The following ZNF225 variants were observed in gnomAD, a reference collection of about 807,000 sequenced individuals.
ZNF225 encodes the protein zinc finger protein 225.
Under a neutral mutation model 12.0 loss-of-function variants are expected in ZNF225, and 6 were observed. The observed-to-expected ratio is 0.50, with a 90% CI of 0.27 to 0.98. The LOEUF (loss-of-function observed/expected upper bound fraction) is 0.98. ZNF225 is among the 50% of genes least tolerant of loss of function. The pLI is 0.11. For missense variants in ZNF225, 763 were observed against 848.2 expected (o/e 0.90, Z 1.25); for synonymous variants, 271 against 283.2 (o/e 0.96, Z 0.43).
rs1968252738 is a variant in ZNF225, at chr19:44,131,332, GGCTTT to G, written c.719_723del (p.Gly240GlufsTer3). ...ATTCAAATGTGAGCAGTGTGGGAAA[GGCTTT>G]AGTCGTAGATCAGGACTTTATGTTC... On this transcript the variant is annotated frameshift_variant, in exon 5 of 5. Transcript: ENST00000262894. LOFTEE classifies it low-confidence loss of function (END_TRUNC). The G allele has an allele frequency of 2.5e-6, 4 of 1,613,980 alleles. No individual in the cohort carries two copies. In the South Asian group the frequency reaches 4.4e-5, roughly 18 times the overall value.
At chr19:44,122,981 C>T (rs1159134682) in intron 4 of ZNF225, among the ~76,000 whole-genome samples, 1 of 152,028 alleles carries the variant, frequency 6.6e-6, no homozygotes, top group Admixed American at 6.6e-5. Context: ...GATTTGGGTG[C>T]CCCTTATTTC....
At chr19:44,129,575 A>T (rs1213496729) in intron 4 of ZNF225, 1 of 152,270 alleles carries the variant, frequency 6.6e-6, no homozygotes, top group South Asian at 2.1e-4. Context: ...TTACATAGCC[A>T]TTATTGGTTG....
At chr19:44,126,167 G>C (rs1194189742) in intron 4 of ZNF225, among the ~76,000 whole-genome samples, 2 of 152,198 alleles carry the variant, frequency 1.3e-5, no homozygotes, top group East Asian at 1.9e-4. Context: ...ATTTGGGTAG[G>C]CTCTGTCAGA....
chr19:44,116,822 G>A (rs1324969180), intron 2 of ZNF225, among the ~76,000 whole-genome samples: 1 of 152,134 alleles, frequency 6.6e-6, no homozygotes, highest in Non-Finnish European at 1.5e-5. Context: ...ACAAATCAGT[G>A]TACACGTATC....
rs546073072 is a variant in ZNF225, at chr19:44,132,890, A to G, written c.*155A>G. On this transcript the variant is annotated 3_prime_UTR_variant, in exon 5 of 5. Coordinates refer to ENST00000262894, the MANE Select transcript of ZNF225 (RefSeq NM_013362.4). ...AAATTCACTGTCCTAGCTATTTGAA[A>G]ATAATACGTTGTTAATTACTGTCAC... The G allele has an allele frequency of 4.4e-6, 3 of 674,338 alleles. No individual in the cohort carries two copies. In the East Asian group the frequency reaches 8.8e-5, roughly 20 times the overall value. 41.8% of individuals were successfully genotyped at this position (674,338 alleles called of 1,614,324 possible).
rs1968325259 is a variant in ZNF225, at chr19:44,133,253, G to A, written c.*518G>A. 1 of 153,522 alleles carries A rather than the reference G, an allele frequency of 6.5e-6. No homozygotes were observed. Among genetic ancestry groups the A allele is most frequent in the Non-Finnish European group, 1.4e-5 (1 of 69,092 alleles). The allele number at this position is 153,522 out of a possible 1,614,324, so 9.5% of individuals were successfully genotyped here. A position where few individuals can be genotyped will look rare whatever the true frequency, so the allele number is the denominator to read the frequency against. ...ATTCATTCATCCAGTGGACACTTAG[G>A]TTGATTACATACCTTGGCCTATTTC... On this transcript the variant is annotated 3_prime_UTR_variant, in exon 5 of 5. Transcript: ENST00000262894.
chr19:44,112,579 C>G (rs780947087), upstream of ZNF225, among the ~76,000 whole-genome samples: 2 of 151,908 alleles, frequency 1.3e-5, no homozygotes, highest in Non-Finnish European at 2.9e-5. Context: ...TTTTGCATAG[C>G]GAAAAACAAG....
Position 44,134,120 on chromosome 19 carries a change from G to C in ZNF225, c.*1385G>C, listed in dbSNP as rs1762440836. 6.6e-6 allele frequency: 1 copy of C among 152,096 alleles called. No individual in the cohort carries two copies. The highest frequency in any genetic ancestry group is 2.4e-5 in the African/African-American group (1 of 41,396). The allele number at this position is 152,096 out of a possible 1,614,324, so 9.4% of individuals were successfully genotyped here. ...TGACAGGATACAAATAATCAGCAAA[G>C]GGAAAAGGTTCTTGTATAATATCTG... On this transcript the variant is annotated 3_prime_UTR_variant, in exon 5 of 5. Coordinates refer to ENST00000262894, the MANE Select transcript of ZNF225 (RefSeq NM_013362.4).
Position 44,132,177 on chromosome 19 carries a change from T to G in ZNF225, c.1563T>G (p.Phe521Leu). The G allele has an allele frequency of 6.2e-7, 1 of 1,614,042 alleles. No individual in the cohort carries two copies. The highest frequency in any genetic ancestry group is 8.5e-7 in the Non-Finnish European group (1 of 1,180,014). Residue 521 changes from phenylalanine to leucine, a missense_variant, in exon 5 of 5, where the codon TTT becomes TTG. Coordinates refer to ENST00000262894, the MANE Select transcript of ZNF225 (RefSeq NM_013362.4). ...PFKCEECGKRFTQNSQLYSHR... is the reference protein window; with the variant it reads ...PFKCEECGKRLTQNSQLYSHR... Reference sequence around the variant, plus strand: ...AATGTGAAGAGTGTGGGAAAAGATTTACTCAGAATTCACAACTTTATTCTC... The same window carrying G: ...AATGTGAAGAGTGTGGGAAAAGATTGACTCAGAATTCACAACTTTATTCTC...
chr19:44,129,737 A>T (rs1968210496), intron 4 of ZNF225: 1 of 152,132 alleles, frequency 6.6e-6, no homozygotes, highest in Non-Finnish European at 1.5e-5. Context: ...AAATCGTAGA[A>T]TTACACCGTC....
In ZNF225 at chr19:44,131,201, G is replaced by C; in HGVS notation, c.587G>C (p.Arg196Thr). The C allele has an allele frequency of 6.2e-7, 1 of 1,614,200 alleles. No homozygotes were observed. Among genetic ancestry groups the C allele is most frequent in the Non-Finnish European group, 8.5e-7 (1 of 1,180,042 alleles). ...AGCTCAGCTCTTCGTATTCATCAGA[G>C]AGTTCACATGGGGGAGAAACTCTAT... ...CYSSALRIHQ[R>T]VHMGEKLYNC... is the part of the protein sequence containing the mutation. Residue 196 changes from arginine (R) to threonine (T), a missense_variant, in exon 5 of 5, where the codon AGA (arginine) becomes ACA (threonine). Transcript: ENST00000262894.
In ZNF225 at chr19:44,130,803, A is replaced by T. The variant is rs376360099; in HGVS notation, c.236-47A>T. The T allele has an allele frequency of 1.0e-5, 16 of 1,536,772 alleles. No homozygotes were observed. In the African/African-American group the frequency reaches 2.2e-4, roughly 21 times the overall value. ...TAAGTATGAAATCTTGATAACACTG[A>T]ATAAAAGCTTTACTTGCCCACATCT... On this transcript the variant is annotated intron_variant, in intron 4 of 4. Coordinates refer to ENST00000262894, the MANE Select transcript of ZNF225 (RefSeq NM_013362.4).
chr19:44,114,655 T>C (rs1967902938), intron 1 of ZNF225, among the ~76,000 whole-genome samples: 1 of 152,070 alleles, frequency 6.6e-6, no homozygotes, highest in Non-Finnish European at 1.5e-5. Context: ...GGATTACAGG[T>C]GCCTGCCACC....
rs1279307227 is a variant in ZNF225 at position 44,134,739 on chromosome 19, G to A, written c.*2004G>A. ...GTTACAACATGGTGTTAACATGTGG[G>A]ACTGATTGTGTTTCTTGTTAATATT... On this transcript the variant is annotated 3_prime_UTR_variant, in exon 5 of 5. Transcript: ENST00000262894. 6.6e-6 allele frequency: 1 copy of A among 152,174 alleles called. No homozygotes were observed. Among genetic ancestry groups the A allele is most frequent in the Non-Finnish European group, 1.5e-5 (1 of 68,042 alleles). 9.4% of individuals were successfully genotyped at this position (152,174 alleles called of 1,614,324 possible).
In ZNF225 at chr19:44,118,511, C is replaced by T. The variant is rs1341691905; in HGVS notation, c.172C>T (p.His58Tyr). 3 of 1,613,552 alleles carry T rather than the reference C, an allele frequency of 1.9e-6. No homozygotes were observed. Among genetic ancestry groups the T allele is most frequent in the Non-Finnish European group, 2.5e-6 (3 of 1,179,662 alleles). The change falls in exon 4 of 5, where the codon CAC becomes TAC. Residue 58 changes from histidine (H) to tyrosine (Y), a missense_variant. His to Tyr is a moderately conservative substitution (Grantham distance 83, BLOSUM62 2). Coordinates refer to ENST00000262894, the MANE Select transcript of ZNF225 (RefSeq NM_013362.4). The stretch of plus-strand genomic sequence containing the variant: ...TCAATCACTCCACAGAGATACTTTC[C>T]ACTTCCTAAAGGAAGAAAAGTTTTG... ...GHQSLHRDTF[H>Y]FLKEEKFWMM...
chr19:44,114,392 G>T (rs1967895919), intron 1 of ZNF225, among the ~76,000 whole-genome samples: 1 of 152,196 alleles, frequency 6.6e-6, no homozygotes, highest in South Asian at 2.1e-4. Flanking sequence ...TATTTTTGAA[G>T]AGTATAGATG....
rs748058261 is a variant in ZNF225 at position 44,132,798 on chromosome 19, C to T, written c.*63C>T. On this transcript the variant is annotated 3_prime_UTR_variant, in exon 5 of 5. Coordinates refer to ENST00000262894, the MANE Select transcript of ZNF225 (RefSeq NM_013362.4). ...ATGCAAGTATACAATGTGTAATGAT[C>T]AAATCAGTGTAATTAACATACCTAT... 1.5e-5 allele frequency: 20 copies of T among 1,338,718 alleles called. No individual in the cohort carries two copies. Among genetic ancestry groups the T allele is most frequent in the Non-Finnish European group, 1.9e-5 (19 of 996,206 alleles). The allele number at this position is 1,338,718 out of a possible 1,614,324, so 82.9% of individuals were successfully genotyped here. A position where few individuals can be genotyped will look rare whatever the true frequency, so the allele number is the denominator to read the frequency against.
chr19:44,121,991 T>G (rs1201148076), intron 4 of ZNF225, among the ~76,000 whole-genome samples: 2 of 152,220 alleles, frequency 1.3e-5, no homozygotes, highest in African/African-American at 4.8e-5. Context: ...CAAAAGCTCT[T>G]TAGTTTAATT....
At chr19:44,130,393 T>G (rs562112632) in intron 4 of ZNF225, 2 of 139,846 alleles carry the variant, frequency 1.4e-5, no homozygotes, top group South Asian at 4.6e-4. Context: ...AGGGAGACAC[T>G]CTCTTTAAAA....
Sources: allele counts gnomAD v4.1 joint callset (sites outside exome capture counted in the v4.1 genomes callset), GRCh38; gene constraint gnomAD v4.1.1; transcripts MANE v1.5; gene names NCBI Gene and HGNC (gene_info 2026-07-23, HGNC 2026-07-21).